Variants in OSCP1 observed in about 807,000 individuals in gnomAD.
The protein encoded by OSCP1 is organic solute carrier partner 1.
A neutral mutation model predicts 45.1 loss-of-function variants in OSCP1; 35 were observed. The observed-to-expected ratio is 0.78, with a 90% confidence interval of 0.59 to 1.03. The LOEUF is 1.03. OSCP1 is among the 50% of genes least tolerant of loss of function. OSCP1 has a pLI of 0.00. For missense variants in OSCP1, 400 were observed against 470.7 expected (o/e 0.85, Z 1.39); for synonymous variants, 179 against 180.1 (o/e 0.99, Z 0.05).
At chr1:36,435,646 T>A (rs2124798026) in intron 2 of OSCP1, among the ~76,000 whole-genome samples, 1 of 151,988 alleles carries the variant, frequency 6.6e-6, no homozygotes, top group Admixed American at 6.5e-5. Flanking sequence ...TTTTTTTTTG[T>A]TTTGAGACAG....
In OSCP1 at chr1:36,440,276, G is replaced by A. The variant is rs11263897; in HGVS notation, c.113-1366C>T. On this transcript the variant is annotated intron_variant, in intron 1 of 9. Coordinates refer to ENST00000235532, the MANE Select transcript of OSCP1 (RefSeq NM_145047.5). The stretch of plus-strand genomic sequence containing the variant: ...AGAAGTACCCGGAGGGCTCAGGCCC[G>A]CATTTTAAAGCATTTCAACACATTT... Among the ~76,000 whole-genome samples the A allele has an allele frequency of 8.5e-3, 1,296 of 152,238 alleles. 17 individuals are homozygous for A. Among genetic ancestry groups the A allele is most frequent in the African/African-American group, 0.029 (1,207 of 41,542 alleles).
Position 36,447,194 on chromosome 1 carries a change from CACA to C in OSCP1, c.112+3061_112+3063del, listed in dbSNP as rs969699568. ...TTACAGGGGCTCTCGCTCCTGTGGC[CACA>C]ACAACTTTAAATGGTGGAATAGGTG... On this transcript the variant is annotated intron_variant, in intron 1 of 9. Transcript: ENST00000235532. The surrounding 1 kb of genome is among the most constrained non-coding windows in gnomAD (Gnocchi z 4.1). 5.3e-5 allele frequency among the ~76,000 whole-genome samples: 8 copies of C among 152,162 alleles called. No homozygotes were observed. The highest frequency in any genetic ancestry group is 6.5e-5 in the Admixed American group (1 of 15,278).
At position 36,438,861 on chromosome 1, in the gene OSCP1, T is replaced by C. The variant is rs756965495; in HGVS notation, c.162A>G (p.Glu54=). The C allele has an allele frequency of 6.2e-7, 1 of 1,614,182 alleles. No homozygotes were observed. The highest frequency in any genetic ancestry group is 2.2e-5 in the East Asian group (1 of 44,880). The change falls in exon 2 of 10, where the codon GAA becomes GAG. Residue 54 remains glutamate (E), a synonymous_variant. Coordinates refer to ENST00000235532, the MANE Select transcript of OSCP1 (RefSeq NM_145047.5). ...AGTAGAGCTCTTGAGGCTTGAATAA[T>C]TCCTCCATAAACTTTCTATTGAACA... ...STMFNRKFME[E]LFKPQELYSK...
intron 1 of OSCP1, among the ~76,000 whole-genome samples, chr1:36,442,630 G>A (rs1649273031): frequency 6.6e-6 from 1 of 152,116 alleles, no homozygotes; most frequent in Admixed American, 6.5e-5. Context: ...GCTCTAAATT[G>A]ACTTGTTTAT....
intron 1 of OSCP1, among the ~76,000 whole-genome samples, chr1:36,439,984 C>A (rs1649021658): frequency 6.6e-6 from 1 of 152,170 alleles, no homozygotes; most frequent in Non-Finnish European, 1.5e-5. Context: ...ACCAGTTATC[C>A]TCGCCTAAAT....
At chr1:36,443,922 G>A in intron 1 of OSCP1, 1 of 1,455,532 alleles carries the variant, frequency 6.9e-7, no homozygotes, top group Non-Finnish European at 9.6e-7. Context: ...GTTTCAAGCG[G>A]TCCCATTTTA....
At chr1:36,436,023 A>G (rs1055061950) in intron 2 of OSCP1, among the ~76,000 whole-genome samples, 3 of 152,018 alleles carry the variant, frequency 2.0e-5, no homozygotes, top group African/African-American at 7.2e-5. Context: ...AGTACCAGTA[A>G]TAAGTGAGTG....
chr1:36,423,385 T>C lies in OSCP1; in HGVS notation c.598A>G (p.Thr200Ala). 4 of 1,612,670 alleles carry C rather than the reference T, an allele frequency of 2.5e-6. No homozygotes were observed. The highest frequency in any genetic ancestry group is 3.4e-6 in the Non-Finnish European group (4 of 1,178,686). Reference protein sequence around the residue: ...LPVSGPVPWGTEVPGLIRMFN... With the variant: ...LPVSGPVPWGAEVPGLIRMFN... ...CACCTGATGAGTCCTGGAACTTCAG[T>C]TCCCCAAGGAACAGGCCCGGACACC... The change falls in exon 5 of 10, where the codon ACT (threonine) becomes GCT (alanine). Residue 200 changes from threonine to alanine, a missense_variant. By Grantham distance (58) the Thr-to-Ala change is moderately conservative. Coordinates refer to ENST00000235532, the MANE Select transcript of OSCP1 (RefSeq NM_145047.5).
rs201037496 is a variant in OSCP1 at position 36,450,398 on chromosome 1, G to A, written c.-29C>T. On this transcript the variant is annotated 5_prime_UTR_variant, in exon 1 of 10. Transcript: ENST00000235532. Reference sequence around the variant, plus strand: ...GCTGGAAACGAGCTGGACTGGTGAAGAGCCCCGGGGTTCGGTAGCCAGTGG... The same window carrying A: ...GCTGGAAACGAGCTGGACTGGTGAAAAGCCCCGGGGTTCGGTAGCCAGTGG... 1,305 of 1,589,400 alleles carry A rather than the reference G, an allele frequency of 8.2e-4. No homozygotes were observed. Among genetic ancestry groups the A allele is most frequent in the Non-Finnish European group, 1.1e-3 (1,262 of 1,158,422 alleles).
chr1:36,435,969 T>C (rs1167760970), intron 2 of OSCP1, among the ~76,000 whole-genome samples: 2 of 151,506 alleles, frequency 1.3e-5, no homozygotes, highest in African/African-American at 4.8e-5. Flanking sequence ...TGGCAAGAGG[T>C]AAGAGGGCCC....
intron 1 of OSCP1, among the ~76,000 whole-genome samples, chr1:36,440,438 A>C (rs1649057191): frequency 6.6e-6 from 1 of 152,208 alleles, no homozygotes; most frequent in Non-Finnish European, 1.5e-5. Flanking sequence ...CTCCATACAG[A>C]AATGCTAAAC....
chr1:36,444,495 T>A (rs1387409652), intron 1 of OSCP1, among the ~76,000 whole-genome samples: 1 of 152,196 alleles, frequency 6.6e-6, no homozygotes, highest in African/African-American at 2.4e-5. Context: ...AATGTAAGAT[T>A]TCCCTTTCTA....
intron 6 of OSCP1, among the ~76,000 whole-genome samples, 189 bp from the exon 7 acceptor site, chr1:36,422,408 T>C (rs943858546): frequency 6.6e-6 from 1 of 152,210 alleles, no homozygotes; most frequent in African/African-American, 2.4e-5. Flanking sequence ...GAAAAACACC[T>C]GGGGAGGCTG....
intron 1 of OSCP1, among the ~76,000 whole-genome samples, chr1:36,446,302 C>T (rs931956167): frequency 7.2e-5 from 11 of 152,202 alleles, no homozygotes; most frequent in South Asian, 2.1e-4. Flanking sequence ...GGAATATAGG[C>T]GTGAGCCACT....
At chr1:36,444,952 A>G (rs1649427696) in intron 1 of OSCP1, among the ~76,000 whole-genome samples, 1 of 152,208 alleles carries the variant, frequency 6.6e-6, no homozygotes, top group African/African-American at 2.4e-5. Flanking sequence ...GACACCACCC[A>G]TAAAGGATGG....
intron 8 of OSCP1, chr1:36,419,259 GC>G (rs1044388955): frequency 1.8e-6 from 1 of 556,006 alleles, no homozygotes; most frequent in African/African-American, 1.9e-5. Context: ...CACATTATAA[GC>G]CCTGCCAAGA....
At position 36,450,245 on chromosome 1, in the gene OSCP1, G is replaced by A. The variant is rs1649818111; in HGVS notation, c.112+13C>T. On this transcript the variant is annotated intron_variant, in intron 1 of 9. Coordinates refer to ENST00000235532, the MANE Select transcript of OSCP1 (RefSeq NM_145047.5). Reference sequence around the variant, plus strand: ...GGCTGCGGGTCTGGCTGAGCGGGCCGGGGGCCTCTCACCTTTGCGGGCCTT... The same window carrying A: ...GGCTGCGGGTCTGGCTGAGCGGGCCAGGGGCCTCTCACCTTTGCGGGCCTT... The A allele has an allele frequency of 6.2e-6, 10 of 1,605,914 alleles. No individual in the cohort carries two copies. The highest frequency in any genetic ancestry group is 1.3e-5 in the African/African-American group (1 of 74,732).
intron 1 of OSCP1, among the ~76,000 whole-genome samples, chr1:36,449,039 TCACA>T (rs781181662): frequency 6.6e-6 from 1 of 152,060 alleles, no homozygotes; most frequent in Non-Finnish European, 1.5e-5. Flanking sequence ...TTGCACTCAG[TCACA>T]CACACACAAT....
chr1:36,422,692 G>T, intron 6 of OSCP1, 76 bp downstream of exon 6: 1 of 1,300,880 alleles, frequency 7.7e-7, no homozygotes, highest in Non-Finnish European at 1.0e-6. Flanking sequence ...CAGAAGTCTG[G>T]CTGTTTCTCT....
Sources: allele counts gnomAD v4.1 joint callset (sites outside exome capture counted in the v4.1 genomes callset), GRCh38; gene constraint gnomAD v4.1.1; non-coding constraint Gnocchi (gnomAD v3.1); transcripts MANE v1.5; gene names NCBI Gene and HGNC (gene_info 2026-07-23, HGNC 2026-07-21).